NALF1: variants seen among roughly 807,000 people sequenced by gnomAD.
NALF1 encodes family with sequence similarity 155 member A.
In NALF1, 3 loss-of-function variants were observed where a neutral mutation model predicts 48.4. The ratio of observed to expected loss-of-function variants is 0.06; its 90% CI spans 0.03 to 0.16. NALF1 has a LOEUF of 0.16. Ranked by LOEUF, NALF1 falls within the 10% of genes least tolerant of loss-of-function variation. NALF1 has a pLI of 1.00. For missense variants in NALF1, 526 were observed against 571.5 expected, an observed-to-expected ratio of 0.92 and a Z score of 0.81; for synonymous variants, 262 against 245.7, an observed-to-expected ratio of 1.07 and a Z score of -0.62.
intron 1 of NALF1, among the ~76,000 whole-genome samples, chr13:107,472,875 A>G (rs1329582732): frequency 1.3e-5 from 2 of 152,104 alleles, no homozygotes; most frequent in Non-Finnish European, 2.9e-5. Flanking sequence ...CCTTTCATAG[A>G]TACATCTATC....
At chr13:107,272,195 A>ATTT (rs776753457) in intron 1 of NALF1, among the ~76,000 whole-genome samples, 3 of 22,536 alleles carry the variant, frequency 1.3e-4, no homozygotes, top group African/African-American at 2.9e-4. Flanking sequence ...AGACCTTAGA[A>ATTT]TTTTTTTTTT....
At chr13:107,776,275 G>A (rs1877727546) in intron 1 of NALF1, among the ~76,000 whole-genome samples, 1 of 152,112 alleles carries the variant, frequency 6.6e-6, no homozygotes, top group African/African-American at 2.4e-5. Context: ...CTCATCAGCT[G>A]GGTAAGTTTT....
chr13:107,562,917 C>G (rs747112792), intron 1 of NALF1, among the ~76,000 whole-genome samples: 1 of 152,162 alleles, frequency 6.6e-6, no homozygotes, highest in African/African-American at 2.4e-5. Context: ...CACTTCCTAA[C>G]TGCCAAAGTT....
intron 1 of NALF1, among the ~76,000 whole-genome samples, chr13:107,790,448 T>A (rs10508189): frequency 0.052 from 7,872 of 152,260 alleles, 582 homozygotes; most frequent in East Asian, 0.39. Flanking sequence ...ATACATTGTC[T>A]AATTAATTTA....
intron 1 of NALF1, among the ~76,000 whole-genome samples, chr13:107,243,574 A>T (rs1880520610): frequency 1.3e-5 from 2 of 152,354 alleles, no homozygotes; most frequent in South Asian, 4.1e-4. Context: ...TTCTTGGAAC[A>T]TGGTAGGAAC....
chr13:107,598,478 T>C (rs773022460), intron 1 of NALF1, among the ~76,000 whole-genome samples: 3 of 152,200 alleles, frequency 2.0e-5, no homozygotes, highest in Admixed American at 6.5e-5. Context: ...ACCAACCTCA[T>C]AGACCCAGTT....
At chr13:107,557,939 G>A (rs565482392) in intron 1 of NALF1, among the ~76,000 whole-genome samples, 1 of 152,244 alleles carries the variant, frequency 6.6e-6, no homozygotes, top group East Asian at 1.9e-4. Context: ...GTGCACTAAT[G>A]TTGTGCGTTG....
At chr13:107,767,647 C>T (rs776848946) in intron 1 of NALF1, among the ~76,000 whole-genome samples, 2 of 152,218 alleles carry the variant, frequency 1.3e-5, no homozygotes, top group South Asian at 2.1e-4. Flanking sequence ...GTTATCGGTA[C>T]GCTGCTAATG....
intron 1 of NALF1, among the ~76,000 whole-genome samples, chr13:107,536,766 A>C (rs996138159): frequency 3.9e-5 from 6 of 152,206 alleles, no homozygotes; most frequent in Admixed American, 3.9e-4. Flanking sequence ...GCAGCTATAA[A>C]GGCACATGCA....
chr13:107,292,344 T>C (rs1449513476), intron 1 of NALF1, among the ~76,000 whole-genome samples: 3 of 152,238 alleles, frequency 2.0e-5, no homozygotes, highest in African/African-American at 7.2e-5. Context: ...TGTAAAAGCC[T>C]AGGATATTAC....
At chr13:107,813,851 T>C (rs537836420) in intron 1 of NALF1, among the ~76,000 whole-genome samples, 8 of 152,244 alleles carry the variant, frequency 5.3e-5, no homozygotes, top group Admixed American at 5.2e-4. Flanking sequence ...TTCAAGATCA[T>C]GAGTTTAATT....
At chr13:107,370,565 T>C (rs1229033459) in intron 1 of NALF1, among the ~76,000 whole-genome samples, 2 of 152,178 alleles carry the variant, frequency 1.3e-5, no homozygotes, top group Admixed American at 6.5e-5. Context: ...AAGTAACTTA[T>C]TAGTTTTAAA....
rs1047887691 is a variant in NALF1 at position 107,439,962 on chromosome 13, C to T, written c.916-229207G>A. 2.0e-5 allele frequency among the ~76,000 whole-genome samples: 3 copies of T among 152,196 alleles called. No individual in the cohort carries two copies. In the South Asian group the frequency reaches 6.2e-4, roughly 32 times the overall value. On this transcript the variant is annotated intron_variant, in intron 1 of 2. Transcript: ENST00000375915. Reference sequence around the variant, plus strand: ...CATTGACCATTTAAGAGAAAAAAAACCTACCTGCTTTAATTTTATGTATGT... The same window carrying T: ...CATTGACCATTTAAGAGAAAAAAAATCTACCTGCTTTAATTTTATGTATGT...
chr13:107,270,135 C>T (rs1881130909), intron 1 of NALF1, among the ~76,000 whole-genome samples: 1 of 151,870 alleles, frequency 6.6e-6, no homozygotes, highest in African/African-American at 2.4e-5. Flanking sequence ...AAACTGACCA[C>T]CTATATGAGG....
intron 2 of NALF1, among the ~76,000 whole-genome samples, chr13:107,187,825 G>T (rs1233223435): frequency 2.0e-5 from 3 of 151,960 alleles, no homozygotes; most frequent in Non-Finnish European, 4.4e-5. Context: ...CTCAACTCTG[G>T]CCTCTGTCTT....
At chr13:107,186,909 C>T (rs1879186518) in intron 2 of NALF1, among the ~76,000 whole-genome samples, 1 of 152,170 alleles carries the variant, frequency 6.6e-6, no homozygotes, top group Admixed American at 6.5e-5. Context: ...TTCAGGAAAT[C>T]AGCAGGATTT....
In NALF1 at chr13:107,610,120, A is replaced by G. The variant is rs542308729; in HGVS notation, c.915+255562T>C. On this transcript the variant is annotated intron_variant, in intron 1 of 2. Coordinates refer to ENST00000375915, the MANE Select transcript of NALF1 (RefSeq NM_001080396.3). ...ATGGTCTAAAAAATTAAATGAGGAT[A>G]AAGATATGGGGAAAAATAAACTCAC... Among the ~76,000 whole-genome samples, 3 of 152,340 alleles carry G rather than the reference A, an allele frequency of 2.0e-5. No individual in the cohort carries two copies. In the East Asian group the frequency reaches 5.8e-4, roughly 29 times the overall value.
chr13:107,617,484 A>G (rs917138955), intron 1 of NALF1, among the ~76,000 whole-genome samples: 1 of 152,206 alleles, frequency 6.6e-6, no homozygotes, highest in African/African-American at 2.4e-5. Flanking sequence ...CTTATTGAAG[A>G]TTTTGATCCT....
chr13:107,378,330 T>C (rs1042156522), intron 1 of NALF1, among the ~76,000 whole-genome samples: 15 of 152,210 alleles, frequency 9.9e-5, no homozygotes, highest in South Asian at 2.1e-4. Context: ...GAGTTATATA[T>C]GAATAGTGAA....
Sources: allele counts gnomAD v4.1 joint callset (sites outside exome capture counted in the v4.1 genomes callset), GRCh38; gene constraint gnomAD v4.1.1; transcripts MANE v1.5; gene names NCBI Gene and HGNC (gene_info 2026-07-23, HGNC 2026-07-21).